Variants in PTPRK observed in about 807,000 individuals in gnomAD.
The protein encoded by PTPRK is receptor-type tyrosine-protein phosphatase kappa.
A neutral mutation model predicts 178.0 loss-of-function variants in PTPRK; 75 were observed. That is an observed-to-expected ratio of 0.42 (90% CI 0.35 to 0.51). PTPRK has a LOEUF of 0.51. Among genes scored for constraint, PTPRK ranks in the 20% least tolerant of loss-of-function variants. The pLI is 0.02. For synonymous variants in PTPRK, 637 were observed against 620.6 expected (o/e 1.03, Z -0.39); for missense variants, 1,441 against 1,797.8 (o/e 0.80, Z 3.59).
intron 5 of PTPRK, among the ~76,000 whole-genome samples, chr6:128,231,507 T>C (rs1408742811): frequency 6.6e-6 from 1 of 152,202 alleles, no homozygotes; most frequent in Non-Finnish European, 1.5e-5. Context: ...TCCTGTCTTG[T>C]GAGCCAGAAG....
At chr6:128,500,423 G>C (rs969343063) in intron 1 of PTPRK, 1 of 152,062 alleles carries the variant, frequency 6.6e-6, no homozygotes, top group African/African-American at 2.4e-5. Flanking sequence ...CCAGCCTTAT[G>C]AATTACAATT....
rs538691950 is a variant in PTPRK at position 128,001,141 on chromosome 6, C to G, written c.2495-2237G>C. On this transcript the variant is annotated intron_variant, in intron 15 of 29. Transcript: ENST00000368226. ...CTTATTATACATTTAAGAATAATAA[C>G]TTGAAATATATCCTTGATTGAAAGG... 6 of 1,356,586 alleles carry G rather than the reference C, an allele frequency of 4.4e-6. No individual in the cohort carries two copies. In the South Asian group the frequency reaches 8.0e-5, roughly 18 times the overall value. 84.0% of individuals were successfully genotyped at this position (1,356,586 alleles called of 1,614,324 possible).
intron 3 of PTPRK, among the ~76,000 whole-genome samples, chr6:128,251,708 A>G (rs570008393): frequency 2.0e-5 from 3 of 152,312 alleles, no homozygotes; most frequent in East Asian, 3.9e-4. Context: ...ACGTGCCCAC[A>G]TAATTCTATG....
chr6:127,986,025 A>C, intron 21 of PTPRK, 150 bp from the exon 22 acceptor site: 1 of 687,870 alleles, frequency 1.5e-6, no homozygotes, highest in Non-Finnish European at 2.2e-6. Flanking sequence ...AAAAAATATA[A>C]TAAAATGAAG....
chr6:128,102,928 G>C lies in PTPRK; in HGVS notation c.1163-12936C>G, dbSNP rs117947069. Among the ~76,000 whole-genome samples the C allele has an allele frequency of 4.7e-3, 719 of 152,178 alleles. 4 individuals are homozygous for C. The highest frequency in any genetic ancestry group is 0.01 in the Middle Eastern group (3 of 294). On this transcript the variant is annotated intron_variant, in intron 7 of 29. Transcript: ENST00000368226. ...GGCAGGGAAATGCTGGGTAGAAGAGGGCAGTTCCCCAGCAAAGGCCCCACC... is the reference window on the plus strand; with the variant it reads ...GGCAGGGAAATGCTGGGTAGAAGAGCGCAGTTCCCCAGCAAAGGCCCCACC...
chr6:128,093,872 A>C (rs1483036819), intron 7 of PTPRK, among the ~76,000 whole-genome samples: 1 of 152,034 alleles, frequency 6.6e-6, no homozygotes, highest in Admixed American at 6.6e-5. Flanking sequence ...AAAGATGTTA[A>C]GCTAAGAAAA....
chr6:128,294,225 G>A (rs1823879928), intron 3 of PTPRK, among the ~76,000 whole-genome samples: 1 of 152,026 alleles, frequency 6.6e-6, no homozygotes, highest in Non-Finnish European at 1.5e-5. Context: ...TGTTTGCTGT[G>A]CCTTCTATGA....
rs372416625 is a variant in PTPRK at position 128,448,945 on chromosome 6, C to T, written c.101-51257G>A. On this transcript the variant is annotated intron_variant, in intron 1 of 29. Coordinates refer to ENST00000368226, the MANE Select transcript of PTPRK (RefSeq NM_002844.4). Reference sequence around the variant, plus strand: ...CATGATCTCGGCTCATTGCAACCTCCGCCTCCTGGGTTCAAGTGATTCTCC... The same window carrying T: ...CATGATCTCGGCTCATTGCAACCTCTGCCTCCTGGGTTCAAGTGATTCTCC... 5.9e-5 allele frequency among the ~76,000 whole-genome samples: 9 copies of T among 152,176 alleles called. No homozygotes were observed. In the South Asian group the frequency reaches 1.5e-3, roughly 25 times the overall value.
chr6:128,419,581 C>A (rs1843234013), intron 1 of PTPRK, among the ~76,000 whole-genome samples: 1 of 149,644 alleles, frequency 6.7e-6, no homozygotes, highest in Non-Finnish European at 1.5e-5. Flanking sequence ...TGCACCACTC[C>A]AGCCTGGGCG....
chr6:128,024,682 C>T (rs9482856), intron 13 of PTPRK, among the ~76,000 whole-genome samples: 37,455 of 151,814 alleles, frequency 0.25, 6,650 homozygotes, highest in African/African-American at 0.5. Context: ...TGGTGGCAGG[C>T]ACCTATAATC....
chr6:128,211,187 A>T (rs1442039568), intron 6 of PTPRK, among the ~76,000 whole-genome samples: 10 of 152,106 alleles, frequency 6.6e-5, no homozygotes, highest in Non-Finnish European at 1.2e-4. Context: ...TTGTATATTT[A>T]TATTTGAGGA....
chr6:128,196,392 CAAGTT>C (rs1393331473), intron 6 of PTPRK, among the ~76,000 whole-genome samples: 3 of 151,994 alleles, frequency 2.0e-5, no homozygotes, highest in African/African-American at 7.2e-5. Context: ...GATAAAATAA[CAAGTT>C]AATAATATTT....
chr6:128,328,552 C>T (rs924640897), intron 2 of PTPRK, among the ~76,000 whole-genome samples: 5 of 152,002 alleles, frequency 3.3e-5, no homozygotes, highest in South Asian at 2.1e-4. Context: ...ATTTAATGAA[C>T]GAGTATAATG....
intron 13 of PTPRK, among the ~76,000 whole-genome samples, chr6:128,029,834 GAAGA>G (rs1242183487): frequency 1.3e-5 from 2 of 152,044 alleles, no homozygotes; most frequent in Non-Finnish European, 2.9e-5. Flanking sequence ...AAAGATAAAA[GAAGA>G]AAGAATCTAT....
rs555592646 is a variant in PTPRK, at chr6:128,279,081, A to G, written c.496-36479T>C. Among the ~76,000 whole-genome samples the G allele has an allele frequency of 3.3e-5, 5 of 151,940 alleles. No individual in the cohort carries two copies. The East Asian group carries it at 9.7e-4, about 29-fold the overall frequency. On this transcript the variant is annotated intron_variant, in intron 3 of 29. Transcript: ENST00000368226. The stretch of plus-strand genomic sequence containing the variant: ...TAGCTTTCCTACTCAGTCATTAATC[A>G]CTCTGAGATACAGCCTAAGCACTTA...
chr6:128,139,181 T>C (rs767197198), intron 7 of PTPRK, among the ~76,000 whole-genome samples: 2 of 151,920 alleles, frequency 1.3e-5, no homozygotes, highest in African/African-American at 2.4e-5. Context: ...ACAACAACAT[T>C]ATGGAGAACG....
chr6:128,514,709 C>T lies in PTPRK; in HGVS notation c.100+5550G>A, dbSNP rs968946325. Among the ~76,000 whole-genome samples the T allele has an allele frequency of 2.0e-5, 3 of 151,978 alleles. No homozygotes were observed. The East Asian group carries it at 5.8e-4, about 29-fold the overall frequency. ...GTAATTTTTATGGATTATCAACACA[C>T]GAAGGAGAATGCCAAAAATTTCAAC... is the stretch of plus-strand genomic sequence containing the variant. On this transcript the variant is annotated intron_variant, in intron 1 of 29. Transcript: ENST00000368226.
chr6:128,328,167 C>CT (rs1367419587), intron 2 of PTPRK, among the ~76,000 whole-genome samples: 1 of 152,198 alleles, frequency 6.6e-6, no homozygotes, highest in Non-Finnish European at 1.5e-5. Context: ...ATCCTTCTTT[C>CT]TTAAGTGTCT....
In PTPRK at chr6:128,189,598, T is replaced by C. The variant is rs186261347; in HGVS notation, c.869-4873A>G. 2.0e-4 allele frequency among the ~76,000 whole-genome samples: 30 copies of C among 152,246 alleles called. No individual in the cohort carries two copies. The East Asian group carries it at 5.2e-3, about 26-fold the overall frequency. On this transcript the variant is annotated intron_variant, in intron 6 of 29. Coordinates refer to ENST00000368226, the MANE Select transcript of PTPRK (RefSeq NM_002844.4). ...AAAAACAGAGATGATGAAAATCATG[T>C]TTTACAGGAGTCCACTGCTCTATTA...
Sources: allele counts gnomAD v4.1 joint callset (sites outside exome capture counted in the v4.1 genomes callset), GRCh38; gene constraint gnomAD v4.1.1; transcripts MANE v1.5; gene names NCBI Gene and HGNC (gene_info 2026-07-23, HGNC 2026-07-21).